Variants in CCR7 observed in about 807,000 individuals in gnomAD.
CCR7 encodes the protein C-C chemokine receptor type 7.
Under a neutral mutation model 26.0 loss-of-function variants are expected in CCR7, and 11 were observed. That is an observed-to-expected ratio of 0.42 (90% CI 0.27 to 0.70). The LOEUF is 0.70. CCR7 is among the 30% of genes least tolerant of loss of function. CCR7 has a pLI of 0.23. For synonymous variants in CCR7, 189 were observed against 202.1 expected (o/e 0.94, Z 0.55); for missense variants, 360 against 504.0 (o/e 0.71, Z 2.74).
intron 2 of CCR7, among the ~76,000 whole-genome samples, chr17:40,558,212 C>T (rs1229069255): frequency 2.6e-5 from 4 of 152,176 alleles, no homozygotes; most frequent in African/African-American, 4.8e-5. Flanking sequence ...GTTGACTCTG[C>T]GAGTTACAGT....
chr17:40,555,908 C>CT lies in CCR7; in HGVS notation c.61-91dup, dbSNP rs372297045. 0.14 allele frequency: 84,374 copies of CT among 597,186 alleles called. No homozygotes were observed. The highest frequency in any genetic ancestry group is 0.21 in the South Asian group (7,454 of 36,118). 37.0% of individuals were successfully genotyped at this position (597,186 alleles called of 1,614,324 possible). A position where few individuals can be genotyped will look rare whatever the true frequency, so the allele number is the denominator to read the frequency against. On this transcript the variant is annotated intron_variant, in intron 2 of 2. Transcript: ENST00000246657. The surrounding 1 kb of genome is among the most constrained non-coding windows in gnomAD (Gnocchi z 5.6). ...TTTAGCCTAGAGCAGTGGTTTCTTT[C>CT]TTTTTTTTTTTTCTTGAGACATGGT... is the stretch of plus-strand genomic sequence containing the variant.
At chr17:40,563,210 G>A (rs2036672372) in intron 1 of CCR7, among the ~76,000 whole-genome samples, 1 of 152,094 alleles carries the variant, frequency 6.6e-6, no homozygotes, top group African/African-American at 2.4e-5. Flanking sequence ...AATGAGAGTT[G>A]CCTGAATGTC....
At position 40,554,131 on chromosome 17, in the gene CCR7, C is replaced by T. The variant is rs572020150; in HGVS notation, c.*611G>A. 6.5e-6 allele frequency: 1 copy of T among 152,760 alleles called. No homozygotes were observed. Among genetic ancestry groups the T allele is most frequent in the East Asian group, 1.9e-4 (1 of 5,174 alleles). 9.5% of individuals were successfully genotyped at this position (152,760 alleles called of 1,614,324 possible). On this transcript the variant is annotated 3_prime_UTR_variant, in exon 3 of 3. Coordinates refer to ENST00000246657, the MANE Select transcript of CCR7 (RefSeq NM_001838.4). ...CTCCCCTGTTGAGAGCCTGGGAGGG[C>T]GACGCGGCAAGTGAGGGGATGAGTG...
At position 40,555,882 on chromosome 17, in the gene CCR7, A is replaced by T; in HGVS notation, c.61-64T>A. The T allele has an allele frequency of 1.8e-6, 2 of 1,107,652 alleles. No individual in the cohort carries two copies. The highest frequency in any genetic ancestry group is 2.7e-6 in the Non-Finnish European group (2 of 746,000). 68.6% of individuals were successfully genotyped at this position (1,107,652 alleles called of 1,614,324 possible). A position where few individuals can be genotyped will look rare whatever the true frequency, so the allele number is the denominator to read the frequency against. On this transcript the variant is annotated intron_variant, in intron 2 of 2. Coordinates refer to ENST00000246657, the MANE Select transcript of CCR7 (RefSeq NM_001838.4). This position sits in a 1 kb window ranked among gnomAD's most constrained non-coding sequence, Gnocchi z 5.6. ...CTGGGTGGCTCCAACTCTGGCTGGG[A>T]TTTAGCCTAGAGCAGTGGTTTCTTT...
intron 1 of CCR7, among the ~76,000 whole-genome samples, chr17:40,564,588 C>T (rs150815100): frequency 0.02 from 3,084 of 152,306 alleles, 44 homozygotes; most frequent in Middle Eastern, 0.027. Flanking sequence ...ATGAACCACT[C>T]AGAACACCCT....
chr17:40,558,650 G>A (rs1046556126), intron 2 of CCR7, among the ~76,000 whole-genome samples: 1 of 152,300 alleles, frequency 6.6e-6, no homozygotes, highest in African/African-American at 2.4e-5. Flanking sequence ...GGATAGGGAA[G>A]GTGGTAAGTT....
At chr17:40,560,201 T>C (rs1042734152) in intron 1 of CCR7, among the ~76,000 whole-genome samples, 1 of 152,176 alleles carries the variant, frequency 6.6e-6, no homozygotes, top group Non-Finnish European at 1.5e-5. Flanking sequence ...TTTGCCTAGA[T>C]GTTTTAGCTT....
At chr17:40,560,403 G>A (rs1199014151) in intron 1 of CCR7, among the ~76,000 whole-genome samples, 2 of 152,170 alleles carry the variant, frequency 1.3e-5, no homozygotes, top group African/African-American at 4.8e-5. Flanking sequence ...CTGGAGGCTG[G>A]GGAAGCAGTG....
intron 1 of CCR7, among the ~76,000 whole-genome samples, chr17:40,562,819 AG>A (rs1318577463): frequency 1.3e-5 from 2 of 152,058 alleles, no homozygotes; most frequent in Non-Finnish European, 2.9e-5. Flanking sequence ...CTTAGTCCCC[AG>A]GACACTCTGC....
At chr17:40,557,246 G>A (rs2036598651) in intron 2 of CCR7, among the ~76,000 whole-genome samples, 1 of 152,228 alleles carries the variant, frequency 6.6e-6, no homozygotes, top group Non-Finnish European at 1.5e-5. Flanking sequence ...GTCCATGCCT[G>A]CCCCTGCCTC....
chr17:40,561,957 T>C (rs565084166), intron 1 of CCR7, among the ~76,000 whole-genome samples: 1 of 152,282 alleles, frequency 6.6e-6, no homozygotes, highest in East Asian at 1.9e-4. Context: ...AGATAATTCA[T>C]ATTCACTGAG....
intron 1 of CCR7, among the ~76,000 whole-genome samples, chr17:40,565,181 C>T (rs1377672467): frequency 6.6e-6 from 1 of 152,120 alleles, no homozygotes; most frequent in African/African-American, 2.4e-5. Context: ...GCACCAAAGG[C>T]TGACCCCTTC....
chr17:40,564,566 G>A (rs558276642), intron 1 of CCR7, among the ~76,000 whole-genome samples: 40 of 152,330 alleles, frequency 2.6e-4, no homozygotes, highest in South Asian at 8.3e-4. Flanking sequence ...TAAAGGGGGC[G>A]TCTGGAGCTG....
intron 2 of CCR7, among the ~76,000 whole-genome samples, chr17:40,557,366 G>A (rs553161120): frequency 3.9e-5 from 6 of 152,350 alleles, no homozygotes; most frequent in South Asian, 2.1e-4. Context: ...GCTCAGCGAC[G>A]GTGGGTTTCT....
In CCR7 at chr17:40,554,419, C is replaced by G. The variant is rs928305378; in HGVS notation, c.*323G>C. ...CCACTCCCACGCCCCTTGCACTCAC[C>G]CTCCTTGGCCCCTTCACTCCAGCAG... On this transcript the variant is annotated 3_prime_UTR_variant, in exon 3 of 3. Transcript: ENST00000246657. The G allele has an allele frequency of 1.3e-5, 4 of 307,848 alleles. No individual in the cohort carries two copies. Among genetic ancestry groups the G allele is most frequent in the African/African-American group, 2.2e-5 (1 of 45,414 alleles). The allele number at this position is 307,848 out of a possible 1,614,324, so 19.1% of individuals were successfully genotyped here. A position where few individuals can be genotyped will look rare whatever the true frequency, so the allele number is the denominator to read the frequency against.
At position 40,555,795 on chromosome 17, in the gene CCR7, G is replaced by T. The variant is rs765607390; in HGVS notation, c.84C>A (p.Val28=). 85 of 1,613,584 alleles carry T rather than the reference G, an allele frequency of 5.3e-5. No individual in the cohort carries two copies. Among genetic ancestry groups the T allele is most frequent in the Non-Finnish European group, 7.1e-5 (84 of 1,179,754 alleles). ...IFQVCLCQDE[V]TDDYIGDNTT... Reference sequence around the variant, plus strand: ...TGTTGTCTCCGATGTAATCGTCCGTGACCTCATCTTGACACAGGCATACCT... The same window carrying T: ...TGTTGTCTCCGATGTAATCGTCCGTTACCTCATCTTGACACAGGCATACCT... The change falls in exon 3 of 3, where the codon GTC becomes GTA. Residue 28 remains valine (V), a synonymous_variant. Coordinates refer to ENST00000246657, the MANE Select transcript of CCR7 (RefSeq NM_001838.4). The surrounding 1 kb of genome is among the most constrained non-coding windows in gnomAD (Gnocchi z 5.6).
Position 40,555,039 on chromosome 17 carries a change from A to G in CCR7, c.840T>C (p.Asn280=), listed in dbSNP as rs754971665. ...CCACCGTCTGGGCCAGGACCACCCC[A>G]TTGTAGGGCAGCTGGAAGACTATGA... is the stretch of plus-strand genomic sequence containing the variant. ...VVFIVFQLPY[N]GVVLAQTVAN... The change falls in exon 3 of 3, where the codon AAT becomes AAC. Residue 280 remains asparagine (N), a synonymous_variant. Coordinates refer to ENST00000246657, the MANE Select transcript of CCR7 (RefSeq NM_001838.4). The surrounding 1 kb of genome is among the most constrained non-coding windows in gnomAD (Gnocchi z 5.6). The G allele has an allele frequency of 2.5e-6, 4 of 1,614,088 alleles. No individual in the cohort carries two copies. In the Admixed American group the frequency reaches 6.7e-5, roughly 27 times the overall value.
chr17:40,555,907 T>TG lies in CCR7; in HGVS notation c.61-90_61-89insC. On this transcript the variant is annotated intron_variant, in intron 2 of 2. Coordinates refer to ENST00000246657, the MANE Select transcript of CCR7 (RefSeq NM_001838.4). The surrounding 1 kb of genome is among the most constrained non-coding windows in gnomAD (Gnocchi z 5.6). The stretch of plus-strand genomic sequence containing the variant: ...ATTTAGCCTAGAGCAGTGGTTTCTT[T>TG]CTTTTTTTTTTTTCTTGAGACATGG... The TG allele has an allele frequency of 1.1e-6, 1 of 894,192 alleles. No homozygotes were observed. The highest frequency in any genetic ancestry group is 2.4e-5 in the East Asian group (1 of 40,886). The allele number at this position is 894,192 out of a possible 1,614,324, so 55.4% of individuals were successfully genotyped here. A position where few individuals can be genotyped will look rare whatever the true frequency, so the allele number is the denominator to read the frequency against.
chr17:40,556,948 C>T (rs1419777502), intron 2 of CCR7, among the ~76,000 whole-genome samples: 1 of 152,150 alleles, frequency 6.6e-6, no homozygotes, highest in Non-Finnish European at 1.5e-5. Context: ...AGCAGGAGCT[C>T]AGGCAACGTG....
Sources: allele counts gnomAD v4.1 joint callset (sites outside exome capture counted in the v4.1 genomes callset), GRCh38; gene constraint gnomAD v4.1.1; non-coding constraint Gnocchi (gnomAD v3.1); transcripts MANE v1.5; gene names NCBI Gene and HGNC (gene_info 2026-07-23, HGNC 2026-07-21).